The following IL1RAPL2 variants were observed in gnomAD, a reference collection of about 807,000 sequenced individuals.
IL1RAPL2 encodes X-linked interleukin-1 receptor accessory protein-like 2.
In IL1RAPL2, 3 loss-of-function variants were observed where a neutral mutation model predicts 44.1. That is an observed-to-expected ratio of 0.07 (90% CI 0.03 to 0.18). IL1RAPL2 has a LOEUF of 0.18. Among genes scored for constraint, IL1RAPL2 ranks in the 10% least tolerant of loss-of-function variants. The pLI, the probability that IL1RAPL2 is intolerant of heterozygous loss-of-function variation, is 1.00. For missense variants in IL1RAPL2, 391 were observed against 496.4 expected (o/e 0.79, Z 2.02); for synonymous variants, 181 against 178.8 (o/e 1.01, Z -0.10).
chrX:104,961,070 TA>T (rs892993308), intron 2 of IL1RAPL2, among the ~76,000 whole-genome samples: 15 of 110,271 alleles, frequency 1.4e-4, no homozygotes, highest in South Asian at 7.8e-4. Context: ...AGTAACAGAT[TA>T]AAAAAAAAGA....
At chrX:105,032,099 T>G (rs182853595) in intron 2 of IL1RAPL2, among the ~76,000 whole-genome samples, 4 of 111,803 alleles carry the variant, frequency 3.6e-5, no homozygotes, top group Admixed American at 2.9e-4. Flanking sequence ...TTATTGCATC[T>G]GTTTGATTCT....
intron 10 of IL1RAPL2, among the ~76,000 whole-genome samples, chrX:105,756,035 A>G (rs772867660): frequency 3.3e-4 from 37 of 110,815 alleles, no homozygotes; most frequent in African/African-American, 1.2e-3. Context: ...GAACACAGAG[A>G]AATCTAAGAC....
intron 5 of IL1RAPL2, among the ~76,000 whole-genome samples, chrX:105,402,603 C>T (rs755766319): frequency 9.9e-5 from 11 of 111,129 alleles, no homozygotes; most frequent in Non-Finnish European, 1.9e-4. Context: ...GAAGGACAAA[C>T]GGTGACCCAA....
chrX:104,668,398 C>A (rs1329747523), intron 2 of IL1RAPL2, among the ~76,000 whole-genome samples: 1 of 106,099 alleles, frequency 9.4e-6, no homozygotes, highest in Non-Finnish European at 1.9e-5. Context: ...CATATGTATA[C>A]ATGTGCCATG....
intron 1 of IL1RAPL2, among the ~76,000 whole-genome samples, chrX:104,572,874 T>C (rs748860781): frequency 8.9e-6 from 1 of 112,422 alleles, no homozygotes; most frequent in African/African-American, 3.2e-5. Context: ...AGTGCCGCGG[T>C]TACAGGTGTG....
At chrX:104,828,296 T>C (rs772740948) in intron 2 of IL1RAPL2, among the ~76,000 whole-genome samples, 2 of 112,028 alleles carry the variant, frequency 1.8e-5, no homozygotes, top group African/African-American at 6.5e-5. Context: ...GTTGGTGACC[T>C]TCGGATGGAT....
chrX:105,366,240 C>G (rs1396473346), intron 5 of IL1RAPL2, among the ~76,000 whole-genome samples: 1 of 111,384 alleles, frequency 9.0e-6, no homozygotes, highest in African/African-American at 3.3e-5. Context: ...AGTCAGTGTG[C>G]CCGGCCTGTG....
At chrX:105,494,922 G>T (rs2036346513) in intron 6 of IL1RAPL2, among the ~76,000 whole-genome samples, 1 of 112,247 alleles carries the variant, frequency 8.9e-6, no homozygotes, top group South Asian at 3.7e-4. Flanking sequence ...ACTACAGCTA[G>T]TAGTTTATGT....
intron 6 of IL1RAPL2, among the ~76,000 whole-genome samples, chrX:105,685,369 G>A (rs1006613091): frequency 8.9e-6 from 1 of 112,014 alleles, no homozygotes; most frequent in Non-Finnish European, 1.9e-5. Flanking sequence ...TAAATGACCT[G>A]ATGGAGCTGA....
intron 1 of IL1RAPL2, among the ~76,000 whole-genome samples, chrX:104,581,769 T>A (rs1928350705): frequency 1.8e-5 from 2 of 111,431 alleles, no homozygotes; most frequent in Admixed American, 9.6e-5. Context: ...CCTCAAGTGA[T>A]TTGCCTGCCT....
intron 3 of IL1RAPL2, among the ~76,000 whole-genome samples, chrX:105,213,849 C>A (rs1199577211): frequency 1.8e-5 from 2 of 110,130 alleles, no homozygotes; most frequent in African/African-American, 3.3e-5. Flanking sequence ...GAATTTTCAA[C>A]CCAGAATTTC....
At chrX:104,792,203 A>G (rs1291928347) in intron 2 of IL1RAPL2, among the ~76,000 whole-genome samples, 1 of 111,183 alleles carries the variant, frequency 9.0e-6, no homozygotes, top group Non-Finnish European at 1.9e-5. Context: ...GCTACTTCAT[A>G]AGTAGCAGAT....
chrX:105,005,323 G>T (rs2030922540), intron 2 of IL1RAPL2, among the ~76,000 whole-genome samples: 1 of 111,219 alleles, frequency 9.0e-6, no homozygotes, highest in Non-Finnish European at 1.9e-5. Context: ...TAGTTGGTCA[G>T]TAACAACCCA....
intron 2 of IL1RAPL2, among the ~76,000 whole-genome samples, chrX:104,945,123 C>T (rs1370402308): frequency 2.7e-5 from 3 of 111,349 alleles, no homozygotes; most frequent in South Asian, 3.7e-4. Flanking sequence ...GCATAAAGTG[C>T]CTGTCATTTA....
At chrX:104,849,353 A>G (rs1199232051) in intron 2 of IL1RAPL2, among the ~76,000 whole-genome samples, 1 of 55,163 alleles carries the variant, frequency 1.8e-5, no homozygotes, top group East Asian at 6.0e-4. Context: ...CTTGAACTAT[A>G]TAATATATAT....
intron 6 of IL1RAPL2, among the ~76,000 whole-genome samples, chrX:105,664,883 T>A (rs1178348607): frequency 9.0e-6 from 1 of 111,609 alleles, no homozygotes; most frequent in African/African-American, 3.3e-5. Context: ...AACAATAAAC[T>A]CCTGCTGGAG....
At chrX:105,389,320 C>T (rs2035504104) in intron 5 of IL1RAPL2, among the ~76,000 whole-genome samples, 1 of 112,005 alleles carries the variant, frequency 8.9e-6, no homozygotes, top group African/African-American at 3.2e-5. Context: ...AAGATATTGC[C>T]ATTCATTGGT....
At chrX:105,139,346 T>C (rs1411140723) in intron 2 of IL1RAPL2, among the ~76,000 whole-genome samples, 1 of 111,143 alleles carries the variant, frequency 9.0e-6, no homozygotes, top group East Asian at 2.8e-4. Flanking sequence ...CAGTGAGTCA[T>C]TGAGTTTGAA....
At chrX:104,730,283 T>C (rs1352032276) in intron 2 of IL1RAPL2, among the ~76,000 whole-genome samples, 1 of 106,841 alleles carries the variant, frequency 9.4e-6, no homozygotes, top group Non-Finnish European at 1.9e-5. Flanking sequence ...GCAGGTTAGT[T>C]ACATATGTAT....
Sources: allele counts gnomAD v4.1 joint callset (sites outside exome capture counted in the v4.1 genomes callset), GRCh38; gene constraint gnomAD v4.1.1; transcripts MANE v1.5; gene names NCBI Gene and HGNC (gene_info 2026-07-23, HGNC 2026-07-21).